Variants in PREX2 observed in about 807,000 individuals in gnomAD.
The protein encoded by PREX2 is phosphatidylinositol 3,4,5-trisphosphate-dependent Rac exchanger 2 protein.
In PREX2, 107 loss-of-function variants were observed where a neutral mutation model predicts 203.2. The ratio of observed to expected loss-of-function variants is 0.53; its 90% CI spans 0.45 to 0.62. The LOEUF (loss-of-function observed/expected upper bound fraction) is 0.62, where lower values mean the gene tolerates loss of function less well. Ranked by LOEUF, PREX2 falls within the 20% of genes least tolerant of loss-of-function variation. The probability of loss-of-function intolerance (pLI) is 0.00; values close to 1 mark genes in which losing one functional copy is unlikely to be tolerated. For synonymous variants in PREX2, 672 were observed against 663.6 expected (o/e 1.01, Z -0.19); for missense variants, 1,777 against 1,955.9 (o/e 0.91, Z 1.72).
intron 13 of PREX2, 102 bp downstream of exon 13, chr8:68,069,986 T>A (rs1216684118): frequency 3.4e-6 from 2 of 590,414 alleles, no homozygotes; most frequent in Admixed American, 5.6e-5. Flanking sequence ...ATTTTGTTTT[T>A]TTTCACTTTA....
At chr8:67,975,160 C>T (rs1806038168) in intron 1 of PREX2, among the ~76,000 whole-genome samples, 1 of 151,550 alleles carries the variant, frequency 6.6e-6, no homozygotes, top group Non-Finnish European at 1.5e-5. Flanking sequence ...GTAGCTCACC[C>T]TGACCTACTG....
chr8:68,093,764 T>C, intron 21 of PREX2, 42 bp downstream of exon 21: 3 of 1,101,264 alleles, frequency 2.7e-6, no homozygotes, highest in Non-Finnish European at 4.1e-6. Context: ...ATAGTATTCT[T>C]TTCCACTGTG....
chr8:68,175,152 T>TG (rs569006398), intron 35 of PREX2, among the ~76,000 whole-genome samples: 81 of 152,276 alleles, frequency 5.3e-4, no homozygotes, highest in South Asian at 8.3e-4. Context: ...GTCCAGGGAC[T>TG]GGGGGCAGTT....
intron 37 of PREX2, among the ~76,000 whole-genome samples, chr8:68,199,145 T>A (rs10441563): frequency 1.0e-5 from 1 of 97,954 alleles, no homozygotes; most frequent in Non-Finnish European, 1.9e-5. Flanking sequence ...CATGGGGGGG[T>A]TCACCAGCAC....
chr8:68,069,708 T>A, intron 12 of PREX2, 127 bp from the exon 13 acceptor site: 2 of 484,954 alleles, frequency 4.1e-6, no homozygotes, highest in Non-Finnish European at 7.4e-6. Context: ...TGAATAATTT[T>A]TAAATTGGTT....
intron 35 of PREX2, among the ~76,000 whole-genome samples, chr8:68,185,412 C>T (rs1812170364): frequency 6.6e-6 from 1 of 152,156 alleles, no homozygotes; most frequent in South Asian, 2.1e-4. Flanking sequence ...GGCATTGCTT[C>T]CACTTGAAAT....
intron 23 of PREX2, among the ~76,000 whole-genome samples, chr8:68,102,502 G>A (rs546571078): frequency 3.5e-4 from 53 of 152,248 alleles, no homozygotes; most frequent in African/African-American, 1.2e-3. Flanking sequence ...GCCCTAATAG[G>A]TCATGTAAGA....
At chr8:67,965,104 GC>G (rs1805730713) in intron 1 of PREX2, among the ~76,000 whole-genome samples, 1 of 152,182 alleles carries the variant, frequency 6.6e-6, no homozygotes, top group Non-Finnish European at 1.5e-5. Flanking sequence ...AAACCATCAA[GC>G]GCAAGAGAGC....
Position 68,093,651 on chromosome 8 carries a change from A to G in PREX2, c.2297A>G (p.Glu766Gly). Residue 766 changes from glutamate to glycine, a missense_variant, in exon 21 of 40, where the codon GAA becomes GGA. Glu to Gly is a moderately conservative substitution (Grantham distance 98). Transcript: ENST00000288368. ...TATAATAGCATTGAGAGTGCTCAAGAAGACCTTCAAAAATCTCACTCCAAG... is the reference window on the plus strand; with the variant it reads ...TATAATAGCATTGAGAGTGCTCAAGGAGACCTTCAAAAATCTCACTCCAAG... The part of the protein sequence containing the change: ...WVYNSIESAQ[E>G]DLQKSHSKPP... 1 of 1,611,894 alleles carries G rather than the reference A, an allele frequency of 6.2e-7. No individual in the cohort carries two copies. The highest frequency in any genetic ancestry group is 8.5e-7 in the Non-Finnish European group (1 of 1,178,148).
chr8:68,053,111 A>G lies in PREX2; in HGVS notation c.958A>G (p.Ser320Gly). The change falls in exon 9 of 40, where the codon AGT (serine) becomes GGT (glycine). Residue 320 changes from serine to glycine, a missense_variant. Transcript: ENST00000288368. ...VDDGTADFHS[S>G]GHIVVNGWKI... ...TTAATTTACAGCTGATTTCCATAGC[A>G]GTGGACACATTGTTGTTAATGGATG... The G allele has an allele frequency of 6.2e-7, 1 of 1,613,288 alleles. No homozygotes were observed. The highest frequency in any genetic ancestry group is 8.5e-7 in the Non-Finnish European group (1 of 1,179,454).
intron 18 of PREX2, among the ~76,000 whole-genome samples, chr8:68,086,510 GTCAAGGGCTA>G (rs1554575457): frequency 2.0e-5 from 3 of 152,106 alleles, no homozygotes; most frequent in Non-Finnish European, 2.9e-5. Context: ...TTTCTTGGGC[GTCAAGGGCTA>G]TCTATCACAA....
chr8:68,076,729 A>G (rs1809362390), intron 14 of PREX2, among the ~76,000 whole-genome samples: 1 of 151,572 alleles, frequency 6.6e-6, no homozygotes, highest in East Asian at 1.9e-4. Context: ...ACACACATGC[A>G]TGTTCATATA....
intron 1 of PREX2, among the ~76,000 whole-genome samples, chr8:68,015,691 A>G (rs1585706929): frequency 1.3e-5 from 2 of 152,202 alleles, no homozygotes; most frequent in African/African-American, 4.8e-5. Context: ...ATAAACCACC[A>G]TGTTATTTTA....
intron 8 of PREX2, among the ~76,000 whole-genome samples, chr8:68,050,776 GGGTC>G (rs1321225969): frequency 6.6e-6 from 1 of 152,144 alleles, no homozygotes; most frequent in Admixed American, 6.6e-5. Flanking sequence ...TGGAGGGGAT[GGGTC>G]CACTTTCAAG....
At chr8:67,960,713 G>C (rs1805610925) in intron 1 of PREX2, among the ~76,000 whole-genome samples, 2 of 152,006 alleles carry the variant, frequency 1.3e-5, no homozygotes, top group African/African-American at 2.4e-5. Context: ...CTGGTTTTCT[G>C]TCTGATGTTC....
At chr8:68,182,385 G>A (rs1352184206) in intron 35 of PREX2, among the ~76,000 whole-genome samples, 1 of 152,042 alleles carries the variant, frequency 6.6e-6, no homozygotes, top group Non-Finnish European at 1.5e-5. Flanking sequence ...CTCACTGAAG[G>A]AGAGATTGGT....
intron 33 of PREX2, among the ~76,000 whole-genome samples, chr8:68,143,531 A>C (rs1811266994): frequency 6.8e-6 from 1 of 147,964 alleles, no homozygotes; most frequent in Non-Finnish European, 1.5e-5. Flanking sequence ...ATGGATTAAC[A>C]CACTTTGATT....
intron 35 of PREX2, 47 bp from the exon 36 acceptor site, chr8:68,191,675 G>C (rs770014336): frequency 7.4e-7 from 1 of 1,350,864 alleles, no homozygotes; most frequent in Non-Finnish European, 1.1e-6. Context: ...TGCATATTAT[G>C]TCTTTTCCTA....
chr8:68,151,736 T>C (rs1811439178), intron 34 of PREX2, among the ~76,000 whole-genome samples: 1 of 151,922 alleles, frequency 6.6e-6, no homozygotes, highest in Non-Finnish European at 1.5e-5. Flanking sequence ...GCTGGTCTTT[T>C]CTCTGCCAGC....
Sources: allele counts gnomAD v4.1 joint callset (sites outside exome capture counted in the v4.1 genomes callset), GRCh38; gene constraint gnomAD v4.1.1; transcripts MANE v1.5; gene names NCBI Gene and HGNC (gene_info 2026-07-23, HGNC 2026-07-21).